ADGRV1: variants seen among roughly 807,000 people sequenced by gnomAD.
ADGRV1 encodes the protein G-protein coupled receptor 98.
A neutral mutation model predicts 596.2 loss-of-function variants in ADGRV1; 359 were observed. The ratio of observed to expected loss-of-function variants is 0.60; its 90% confidence interval spans 0.55 to 0.66. ADGRV1 has a LOEUF of 0.66. Among genes scored for constraint, ADGRV1 ranks in the 30% least tolerant of loss-of-function variants. The probability of loss-of-function intolerance (pLI) is 0.00; values close to 1 mark genes in which losing one functional copy is unlikely to be tolerated. For synonymous variants in ADGRV1, 2,681 were observed against 2,679.2 expected, an observed-to-expected ratio of 1.00 and a Z score of -0.02; for missense variants, 7,274 against 7,575.6, an observed-to-expected ratio of 0.96 and a Z score of 1.48.
rs1036744992 is a variant in ADGRV1, at chr5:90,749,763, A to G, written c.10975-788A>G. Among the ~76,000 whole-genome samples, 5 of 152,226 alleles carry G rather than the reference A, an allele frequency of 3.3e-5. No homozygotes were observed. In the South Asian group the frequency reaches 1.0e-3, roughly 31 times the overall value. Reference sequence around the variant, plus strand: ...GGAACAGTTCATGAAATGGCTGACAAGAGACGTTGTGTATGTTTGGTGAAG... The same window carrying G: ...GGAACAGTTCATGAAATGGCTGACAGGAGACGTTGTGTATGTTTGGTGAAG... On this transcript the variant is annotated intron_variant, in intron 52 of 89. Transcript: ENST00000405460.
At position 91,164,067 on chromosome 5, in the gene ADGRV1, C is replaced by A. The variant is rs376936777; in HGVS notation, c.*167C>A. On this transcript the variant is annotated 3_prime_UTR_variant, in exon 90 of 90. Transcript: ENST00000405460. ...AGTATAAATTACTGATTGTATGTGACCTGAAAATTCACTGCTATAAGAAAG... is the reference window on the plus strand; with the variant it reads ...AGTATAAATTACTGATTGTATGTGAACTGAAAATTCACTGCTATAAGAAAG... 8.3e-5 allele frequency: 57 copies of A among 688,028 alleles called. No homozygotes were observed. The highest frequency in any genetic ancestry group is 6.5e-4 in the South Asian group (43 of 66,414). 42.6% of individuals were successfully genotyped at this position (688,028 alleles called of 1,614,324 possible).
At chr5:90,923,671 G>T (rs963983166) in intron 83 of ADGRV1, among the ~76,000 whole-genome samples, 20 of 151,940 alleles carry the variant, frequency 1.3e-4, no homozygotes, top group African/African-American at 4.8e-4. Flanking sequence ...GGGTACATGT[G>T]CACATCGTGC....
intron 1 of ADGRV1, among the ~76,000 whole-genome samples, chr5:90,595,015 G>A (rs1298356161): frequency 5.6e-5 from 8 of 143,056 alleles, no homozygotes; most frequent in African/African-American, 8.1e-5. Context: ...CTCCCAGACG[G>A]GGTGGTGGCC....
rs1485958224 is a variant in ADGRV1, at chr5:90,926,892, C to T, written c.17857-38523C>T. On this transcript the variant is annotated intron_variant, in intron 83 of 89. Transcript: ENST00000405460. ...ATTTCTTCCTTCATTTCGTTATGTA[C>T]CCAGTAGTCATTCAGGAGCAGGTTG... Among the ~76,000 whole-genome samples the T allele has an allele frequency of 2.6e-5, 4 of 152,032 alleles. No homozygotes were observed. The South Asian group carries it at 6.2e-4, about 24-fold the overall frequency.
intron 87 of ADGRV1, among the ~76,000 whole-genome samples, chr5:91,129,688 A>G (rs983307359): frequency 6.6e-6 from 1 of 152,228 alleles, no homozygotes; most frequent in Non-Finnish European, 1.5e-5. Flanking sequence ...AGGAGACAGA[A>G]TATAAGTTCT....
intron 84 of ADGRV1, among the ~76,000 whole-genome samples, chr5:90,984,245 TACTC>T (rs753976535): frequency 1.1e-4 from 17 of 152,152 alleles, no homozygotes; most frequent in Non-Finnish European, 1.8e-4. Flanking sequence ...AATTCATTCA[TACTC>T]ACACTCTTTC....
At chr5:91,138,161 T>C (rs959552398) in intron 87 of ADGRV1, among the ~76,000 whole-genome samples, 1 of 151,702 alleles carries the variant, frequency 6.6e-6, no homozygotes, top group Non-Finnish European at 1.5e-5. Context: ...TGCCCAACCA[T>C]AAATCCAACT....
At chr5:91,037,270 G>A (rs1447091877) in intron 85 of ADGRV1, among the ~76,000 whole-genome samples, 2 of 152,082 alleles carry the variant, frequency 1.3e-5, no homozygotes, top group African/African-American at 2.4e-5. Flanking sequence ...CGTCTTTTTT[G>A]TACTAGACAG....
intron 55 of ADGRV1, among the ~76,000 whole-genome samples, chr5:90,755,882 C>G (rs1460771355): frequency 6.7e-6 from 1 of 149,192 alleles, no homozygotes; most frequent in Non-Finnish European, 1.5e-5. Context: ...GTTAGTGTTA[C>G]TAATAGTGGT....
intron 83 of ADGRV1, among the ~76,000 whole-genome samples, chr5:90,881,610 G>T (rs1407556266): frequency 6.6e-6 from 1 of 152,120 alleles, no homozygotes; most frequent in Non-Finnish European, 1.5e-5. Flanking sequence ...GTATATCAGG[G>T]ATGGGCGGAA....
chr5:90,642,948 T>G lies in ADGRV1; in HGVS notation c.2460T>G (p.Asn820Lys). ...LHYRVEPRDS[N>K]EFYGNTGVLE... ...ACCGAGTAGAGCCAAGAGATAGCAA[T>G]GAATTCTATGGAAACACGGGAGTAC... Residue 820 changes from asparagine (N) to lysine (K), a missense_variant, in exon 13 of 90, where the codon AAT becomes AAG. Asn to Lys is a moderately conservative substitution (Grantham distance 94). This residue lies in a region of ADGRV1 where 1,715 missense variants were observed against 1,708.8 expected (regional missense o/e 1.00). Transcript: ENST00000405460. The G allele has an allele frequency of 2.5e-6, 4 of 1,613,606 alleles. No homozygotes were observed. The highest frequency in any genetic ancestry group is 3.4e-6 in the Non-Finnish European group (4 of 1,179,624).
chr5:90,653,958 G>A lies in ADGRV1; in HGVS notation c.4378+6G>A. ...AGGAGAAGCCATTACTGACGGTGAG[G>A]GTCATCATCACAACTAGGACACTGA... is the stretch of plus-strand genomic sequence containing the variant. On this transcript the variant is annotated splice_donor_region_variant and intron_variant, in intron 20 of 89. Transcript: ENST00000405460. 2 of 1,553,172 alleles carry A rather than the reference G, an allele frequency of 1.3e-6. No homozygotes were observed. Among genetic ancestry groups the A allele is most frequent in the Non-Finnish European group, 1.7e-6 (2 of 1,147,716 alleles).
intron 85 of ADGRV1, among the ~76,000 whole-genome samples, chr5:91,046,513 C>T (rs772927576): frequency 2.0e-4 from 30 of 152,246 alleles, no homozygotes; most frequent in Middle Eastern, 6.8e-3. Context: ...GAAATAAACT[C>T]AAGATGGGTT....
intron 1 of ADGRV1, among the ~76,000 whole-genome samples, chr5:90,578,306 G>A (rs1373389372): frequency 6.6e-6 from 1 of 152,196 alleles, no homozygotes; most frequent in Non-Finnish European, 1.5e-5. Context: ...AGTTTATTGA[G>A]AGTTTTTAGC....
In ADGRV1 at chr5:90,788,185, A is replaced by C. The variant is rs1171129488; in HGVS notation, c.13768A>C (p.Arg4590=). The C allele has an allele frequency of 3.1e-6, 5 of 1,613,794 alleles. No individual in the cohort carries two copies. The highest frequency in any genetic ancestry group is 4.2e-6 in the Non-Finnish European group (5 of 1,179,826). Residue 4590 remains arginine (R), a synonymous_variant, in exon 68 of 90, where the codon AGA becomes CGA. Transcript: ENST00000405460. The part of the protein sequence containing the change: ...FYFGEGEGGV[R]TIILTIYPHE... ...TTTTGGAGAAGGAGAAGGAGGAGTGAGAACCATAATTCTGACAATCTATCC... is the reference window on the plus strand; with the variant it reads ...TTTTGGAGAAGGAGAAGGAGGAGTGCGAACCATAATTCTGACAATCTATCC...
intron 85 of ADGRV1, among the ~76,000 whole-genome samples, chr5:91,007,636 CAG>C (rs1345798613): frequency 6.6e-6 from 1 of 152,078 alleles, no homozygotes; most frequent in Non-Finnish European, 1.5e-5. Flanking sequence ...CCCTACCTTG[CAG>C]AGAGGTTGAG....
intron 85 of ADGRV1, among the ~76,000 whole-genome samples, chr5:91,058,751 G>A (rs1031026585): frequency 3.9e-5 from 6 of 152,078 alleles, no homozygotes; most frequent in African/African-American, 1.4e-4. Context: ...ACACACATGA[G>A]TCATGAGGAA....
chr5:90,706,301 A>G lies in ADGRV1; in HGVS notation c.8637A>G (p.Leu2879=). The change falls in exon 38 of 90, where the codon CTA becomes CTG. Residue 2879 remains leucine (L), a synonymous_variant. Transcript: ENST00000405460. ...LSLKNQTVGN[L]AEPEVDFVPI... is the part of the protein sequence containing the mutation. ...TGAAGAACCAAACAGTAGGAAACCT[A>G]GCAGAGCCAGAAGTTGATTTTGTCC... is the stretch of plus-strand genomic sequence containing the variant. 6.2e-7 allele frequency: 1 copy of G among 1,613,632 alleles called. No individual in the cohort carries two copies. The highest frequency in any genetic ancestry group is 8.5e-7 in the Non-Finnish European group (1 of 1,179,684).
chr5:90,685,671 A>G (rs955468053), intron 28 of ADGRV1, 109 bp from the exon 29 acceptor site: 2 of 474,540 alleles, frequency 4.2e-6, no homozygotes, highest in Non-Finnish European at 7.3e-6. Flanking sequence ...ACCCCAAATG[A>G]GAATCCTATT....
Sources: gnomAD v4.1 joint callset for allele counts (sites outside exome capture counted in the v4.1 genomes callset) on GRCh38, gnomAD v4.1.1 for gene constraint, gnomAD v4.1.1 regional missense constraint, MANE v1.5 for transcripts, NCBI Gene and HGNC (gene_info 2026-07-23, HGNC 2026-07-21) for gene names.